MMAA: variants seen among roughly 807,000 people sequenced by gnomAD.
The protein encoded by MMAA is methylmalonic aciduria type A protein, mitochondrial.
Under a neutral mutation model 45.0 loss-of-function variants are expected in MMAA, and 41 were observed. The ratio of observed to expected loss-of-function variants is 0.91; its 90% CI spans 0.71 to 1.18. The LOEUF is 1.18. Among genes scored for constraint, MMAA ranks in the 50% most tolerant of loss-of-function variants. MMAA has a pLI of 0.00. For missense variants in MMAA, 460 were observed against 495.7 expected (o/e 0.93, Z 0.68); for synonymous variants, 154 against 178.2 (o/e 0.86, Z 1.08).
At chr4:145,650,005 G>C (rs975585204) in intron 4 of MMAA, among the ~76,000 whole-genome samples, 4 of 152,222 alleles carry the variant, frequency 2.6e-5, no homozygotes, top group African/African-American at 7.2e-5. Context: ...ACAGTTTTAA[G>C]TGGGGTGAGA....
In MMAA at chr4:145,639,797, T is replaced by C. The variant is rs1490608587; in HGVS notation, c.439+219T>C. ...GGCTATGTATTTTAAGAAAATAATATAAGATTTTTACTTTGGCAAGAATCT... is the reference window on the plus strand; with the variant it reads ...GGCTATGTATTTTAAGAAAATAATACAAGATTTTTACTTTGGCAAGAATCT... On this transcript the variant is annotated intron_variant, in intron 2 of 6. Transcript: ENST00000649156. The C allele has an allele frequency of 1.5e-5, 15 of 984,300 alleles. No individual in the cohort carries two copies. The East Asian group carries it at 5.7e-4, about 37-fold the overall frequency. The allele number at this position is 984,300 out of a possible 1,614,324, so 61.0% of individuals were successfully genotyped here.
chr4:145,629,574 T>A (rs1288737998), intron 1 of MMAA, among the ~76,000 whole-genome samples: 1 of 152,194 alleles, frequency 6.6e-6, no homozygotes, highest in Middle Eastern at 3.2e-3. Context: ...TATTTAGTAT[T>A]CAAAAGAATA....
chr4:145,626,876 A>G (rs17020451), intron 1 of MMAA, among the ~76,000 whole-genome samples: 2,548 of 152,336 alleles, frequency 0.017, 74 homozygotes, highest in African/African-American at 0.059. Context: ...GGGGGAAGCA[A>G]GAAAATTAGT....
In MMAA at chr4:145,658,287, T is replaced by C. The variant is rs1728289836; in HGVS notation, c.*2853T>C. 6.6e-6 allele frequency: 1 copy of C among 152,180 alleles called. No individual in the cohort carries two copies. The highest frequency in any genetic ancestry group is 6.5e-5 in the Admixed American group (1 of 15,270). The allele number at this position is 152,180 out of a possible 1,614,324, so 9.4% of individuals were successfully genotyped here. A position where few individuals can be genotyped will look rare whatever the true frequency, so the allele number is the denominator to read the frequency against. On this transcript the variant is annotated 3_prime_UTR_variant, in exon 7 of 7. Transcript: ENST00000649156. The stretch of plus-strand genomic sequence containing the variant: ...CAGCCTAATACAGGTGCTAAATACA[T>C]ATCTGACAATAAATGGTAGTTATCT...
chr4:145,639,678 C>A (rs1367053451), intron 2 of MMAA, 100 bp downstream of exon 2: 7 of 1,469,176 alleles, frequency 4.8e-6, no homozygotes, highest in Non-Finnish European at 6.3e-6. Context: ...CGAATGGCGA[C>A]TTTTTTCACA....
chr4:145,655,335 G>A lies in MMAA; in HGVS notation c.1158G>A (p.Arg386=), dbSNP rs1437610470. The A allele has an allele frequency of 1.2e-6, 2 of 1,614,132 alleles. No homozygotes were observed. Among genetic ancestry groups the A allele is most frequent in the South Asian group, 1.1e-5 (1 of 91,070 alleles). ...ATTTCAGGACCCACCCCACAGTCCG[G>A]GAACAGATTCCACTTCTGGAACAAA... ...LEHFRTHPTV[R]EQIPLLEQKV... is the part of the protein sequence containing the mutation. The change falls in exon 7 of 7, where the codon CGG becomes CGA. Residue 386 remains arginine (R), a synonymous_variant. Coordinates refer to ENST00000649156, the MANE Select transcript of MMAA (RefSeq NM_172250.3).
chr4:145,646,237 A>G (rs1415720837), intron 4 of MMAA, 81 bp downstream of exon 4: 2 of 1,516,344 alleles, frequency 1.3e-6, no homozygotes, highest in East Asian at 2.3e-5. Flanking sequence ...ATTTTTGTTC[A>G]TTCAGCAGAT....
At chr4:145,637,510 T>A (rs1177767154) in intron 1 of MMAA, among the ~76,000 whole-genome samples, 1 of 152,110 alleles carries the variant, frequency 6.6e-6, no homozygotes, top group Non-Finnish European at 1.5e-5. Flanking sequence ...CACTTATAGT[T>A]CTACCAGTTT....
At chr4:145,633,644 C>T (rs1727525539) in intron 1 of MMAA, among the ~76,000 whole-genome samples, 1 of 152,190 alleles carries the variant, frequency 6.6e-6, no homozygotes, top group African/African-American at 2.4e-5. Context: ...GGTCTTGATA[C>T]TTACAGATGT....
At chr4:145,645,925 C>T in intron 3 of MMAA, 61 bp from the exon 4 acceptor site, 1 of 1,544,554 alleles carries the variant, frequency 6.5e-7, no homozygotes, top group East Asian at 2.2e-5. Context: ...CCTCTAGGAA[C>T]TGGCTGATAA....
At chr4:145,631,430 T>A (rs192764167) in intron 1 of MMAA, among the ~76,000 whole-genome samples, 14 of 152,228 alleles carry the variant, frequency 9.2e-5, no homozygotes, top group African/African-American at 3.1e-4. Flanking sequence ...AGTTTTTGTC[T>A]TGAAATCTAT....
At chr4:145,636,713 T>C (rs1727620354) in intron 1 of MMAA, among the ~76,000 whole-genome samples, 1 of 152,248 alleles carries the variant, frequency 6.6e-6, no homozygotes, top group Admixed American at 6.5e-5. Flanking sequence ...CCTCTGTGAC[T>C]TGAATTCCCC....
At chr4:145,632,730 T>A (rs1727486816) in intron 1 of MMAA, among the ~76,000 whole-genome samples, 1 of 151,950 alleles carries the variant, frequency 6.6e-6, no homozygotes, top group Non-Finnish European at 1.5e-5. Context: ...CACTGTGTAT[T>A]TTCAAATAGC....
chr4:145,654,548 T>C (rs925003004), intron 6 of MMAA, among the ~76,000 whole-genome samples: 1 of 152,248 alleles, frequency 6.6e-6, no homozygotes, highest in African/African-American at 2.4e-5. Context: ...TGCAGTAATA[T>C]TGATGTGGTC....
intron 4 of MMAA, chr4:145,650,351 T>C (rs1247901717): frequency 6.6e-6 from 1 of 152,308 alleles, no homozygotes; most frequent in African/African-American, 2.4e-5. Context: ...TAAGGCTGAG[T>C]TTGTATTTGT....
intron 1 of MMAA, among the ~76,000 whole-genome samples, chr4:145,620,386 G>C (rs1734065316): frequency 6.6e-6 from 1 of 152,216 alleles, no homozygotes; most frequent in South Asian, 2.1e-4. Flanking sequence ...AATGGAAAGA[G>C]CTGGTGAATG....
At chr4:145,624,942 A>G (rs1483208837) in intron 1 of MMAA, 4 of 1,240,462 alleles carry the variant, frequency 3.2e-6, no homozygotes, top group South Asian at 2.5e-5. Context: ...ACGTTTTCCA[A>G]CTCCATACCT....
Position 145,642,243 on chromosome 4 carries a change from TA to T in MMAA, c.440-118del. The T allele has an allele frequency of 1.5e-5, 17 of 1,127,052 alleles. 1 individual carries two copies. The South Asian group carries it at 2.2e-4, about 15-fold the overall frequency. 69.8% of individuals were successfully genotyped at this position (1,127,052 alleles called of 1,614,324 possible). On this transcript the variant is annotated intron_variant, in intron 2 of 6. Transcript: ENST00000649156. ...CATTTTAGGACATGTTGAAATATAT[TA>T]ATTGTGGTTTTAATACATTAGGGGA... is the stretch of plus-strand genomic sequence containing the variant.
intron 1 of MMAA, chr4:145,624,811 A>G: frequency 6.2e-7 from 1 of 1,607,034 alleles, no homozygotes. Flanking sequence ...TTGGCTCTGC[A>G]CACCTCCTCT....
Sources: gnomAD v4.1 joint callset for allele counts (sites outside exome capture counted in the v4.1 genomes callset) on GRCh38, gnomAD v4.1.1 for gene constraint, MANE v1.5 for transcripts, NCBI Gene and HGNC (gene_info 2026-07-23, HGNC 2026-07-21) for gene names.